Variants in VCL observed in about 807,000 individuals in gnomAD.
The protein encoded by VCL is epididymis luminal protein 114.
A neutral mutation model predicts 125.7 loss-of-function variants in VCL; 47 were observed. The ratio of observed to expected loss-of-function variants is 0.37; its 90% CI spans 0.30 to 0.48. The LOEUF (loss-of-function observed/expected upper bound fraction) is 0.48, where lower values mean the gene tolerates loss of function less well. Among genes scored for constraint, VCL ranks in the 20% least tolerant of loss-of-function variants. VCL has a pLI of 0.99. For missense variants in VCL, 1,069 were observed against 1,455.5 expected (o/e 0.73, Z 4.32); for synonymous variants, 458 against 514.6 (o/e 0.89, Z 1.49).
chr10:74,006,332 T>C (rs985878485), intron 1 of VCL, among the ~76,000 whole-genome samples: 1 of 152,220 alleles, frequency 6.6e-6, no homozygotes, highest in Non-Finnish European at 1.5e-5. Context: ...AGTGGAAAAT[T>C]GGGCTTTTCT....
chr10:74,073,048 C>G (rs574729802), intron 5 of VCL, among the ~76,000 whole-genome samples, 196 bp downstream of exon 5: 1 of 151,638 alleles, frequency 6.6e-6, no homozygotes, highest in South Asian at 2.1e-4. Flanking sequence ...TCAAGCGATT[C>G]TCCTGCCTCA....
At chr10:74,005,847 T>C (rs537806348) in intron 1 of VCL, among the ~76,000 whole-genome samples, 3 of 152,226 alleles carry the variant, frequency 2.0e-5, no homozygotes, top group East Asian at 3.9e-4. Flanking sequence ...GTTTTTTTAA[T>C]TTTTATTTTT....
At chr10:74,018,487 T>C (rs1196215980) in intron 1 of VCL, among the ~76,000 whole-genome samples, 1 of 152,054 alleles carries the variant, frequency 6.6e-6, no homozygotes, top group Non-Finnish European at 1.5e-5. Flanking sequence ...GAAGGGAAGT[T>C]CATTCCACTT....
rs114822044 is a variant in VCL at position 74,000,569 on chromosome 10, C to T, written c.168+2194C>T. Among the ~76,000 whole-genome samples the T allele has an allele frequency of 3.4e-3, 517 of 152,196 alleles. 2 individuals are homozygous for T. Among genetic ancestry groups the T allele is most frequent in the African/African-American group, 0.011 (477 of 41,522 alleles). ...AGCTGGGACTACAGGTTCGCACCAC[C>T]GTGGCCAGCTAATTTTTGTATTTTT... is the stretch of plus-strand genomic sequence containing the variant. On this transcript the variant is annotated intron_variant, in intron 1 of 21. Coordinates refer to ENST00000211998, the MANE Select transcript of VCL (RefSeq NM_014000.3).
Position 74,097,406 on chromosome 10 carries a change from G to A in VCL, c.1872+74G>A. On this transcript the variant is annotated intron_variant, in intron 13 of 21. Transcript: ENST00000211998. This position sits in a 1 kb window ranked among gnomAD's most constrained non-coding sequence, Gnocchi z 4.1. The stretch of plus-strand genomic sequence containing the variant: ...TATGTAAAGGTGAAATGTGATTACA[G>A]TGGACATCAGGATCAGTGGTTGGGA... 6.3e-7 allele frequency: 1 copy of A among 1,584,152 alleles called. No homozygotes were observed. The highest frequency in any genetic ancestry group is 8.6e-7 in the Non-Finnish European group (1 of 1,167,494).
chr10:74,114,129 C>A (rs1205465191), intron 19 of VCL, 55 bp from the exon 20 acceptor site: 18 of 1,604,020 alleles, frequency 1.1e-5, no homozygotes, highest in Admixed American at 1.7e-5. Context: ...TCCTTCCTTC[C>A]TTAACATGGC....
At chr10:74,001,853 G>A (rs902638200) in intron 1 of VCL, among the ~76,000 whole-genome samples, 2 of 152,084 alleles carry the variant, frequency 1.3e-5, no homozygotes, top group African/African-American at 2.4e-5. Flanking sequence ...ATTTCTTTCA[G>A]ATTATTTACA....
chr10:74,029,464 T>C (rs1340758147), intron 1 of VCL, among the ~76,000 whole-genome samples: 2 of 152,138 alleles, frequency 1.3e-5, no homozygotes, highest in Non-Finnish European at 2.9e-5. Flanking sequence ...ATTAGAAGCT[T>C]AGTCATGGTA....
chr10:74,088,999 G>A (rs1839833228), intron 8 of VCL, among the ~76,000 whole-genome samples, 197 bp from the exon 9 acceptor site: 1 of 152,148 alleles, frequency 6.6e-6, no homozygotes, highest in Non-Finnish European at 1.5e-5. Context: ...AAGCTAATGT[G>A]CATTTTTAAA....
chr10:74,064,408 A>G (rs1307590383), intron 2 of VCL, among the ~76,000 whole-genome samples: 1 of 150,184 alleles, frequency 6.7e-6, no homozygotes, highest in Non-Finnish European at 1.5e-5. Context: ...CATACAAAAG[A>G]CACTTTTTTT....
chr10:74,099,476 A>G (rs1454569846), intron 13 of VCL, among the ~76,000 whole-genome samples: 2 of 152,026 alleles, frequency 1.3e-5, no homozygotes, highest in Non-Finnish European at 2.9e-5. Flanking sequence ...TAGCTCTATT[A>G]TTGTACATAG....
chr10:74,038,450 T>A (rs1355380287), intron 1 of VCL, among the ~76,000 whole-genome samples: 2 of 152,200 alleles, frequency 1.3e-5, no homozygotes, highest in African/African-American at 4.8e-5. Context: ...TGGCATTCAT[T>A]CTATATAGTC....
At chr10:74,110,009 C>G (rs1840195979) in intron 18 of VCL, among the ~76,000 whole-genome samples, 1 of 152,152 alleles carries the variant, frequency 6.6e-6, no homozygotes. Flanking sequence ...CCTCAGGGAC[C>G]TCCTGCACCT....
At chr10:74,018,176 G>GGA (rs1565634756) in intron 1 of VCL, among the ~76,000 whole-genome samples, 8 of 40,074 alleles carry the variant, frequency 2.0e-4, no homozygotes, top group African/African-American at 6.3e-4. Context: ...GATATATATA[G>GGA]GATATATATA....
chr10:74,111,840 C>G, intron 18 of VCL, 69 bp from the exon 19 acceptor site: 1 of 1,587,242 alleles, frequency 6.3e-7, no homozygotes, highest in Admixed American at 1.8e-5. Flanking sequence ...AGCTGAAGCC[C>G]AGTTTCCCAA....
chr10:74,080,135 A>T (rs1383822724), intron 6 of VCL, among the ~76,000 whole-genome samples: 1 of 152,178 alleles, frequency 6.6e-6, no homozygotes, highest in East Asian at 1.9e-4. Context: ...TTGTGTTTCA[A>T]ATCATTTTTG....
Position 74,118,280 on chromosome 10 carries a change from C to T in VCL, c.*111C>T. The T allele has an allele frequency of 7.2e-7, 1 of 1,384,472 alleles. No homozygotes were observed. Among genetic ancestry groups the T allele is most frequent in the Non-Finnish European group, 1.0e-6 (1 of 994,568 alleles). 85.8% of individuals were successfully genotyped at this position (1,384,472 alleles called of 1,614,324 possible). On this transcript the variant is annotated 3_prime_UTR_variant, in exon 22 of 22. Coordinates refer to ENST00000211998, the MANE Select transcript of VCL (RefSeq NM_014000.3). ...GGGAGCTGAAAAATCACATCCTGGC[C>T]TGGCACATCAGAAAGGAATGGGGGC...
In VCL at chr10:74,108,866, G is replaced by A. The variant is rs903210748; in HGVS notation, c.2560-105G>A. The A allele has an allele frequency of 5.4e-6, 7 of 1,305,980 alleles. 1 individual carries two copies. Among genetic ancestry groups the A allele is most frequent in the Non-Finnish European group, 7.7e-6 (7 of 909,146 alleles). The allele number at this position is 1,305,980 out of a possible 1,614,324, so 80.9% of individuals were successfully genotyped here. A position where few individuals can be genotyped will look rare whatever the true frequency, so the allele number is the denominator to read the frequency against. On this transcript the variant is annotated intron_variant, in intron 17 of 21. Transcript: ENST00000211998. ...CTCAGTGTGGGTGGTCTTATGTGGA[G>A]TCAATATGGGTGGGTTTTCTAGGGA...
At chr10:74,100,643 C>T (rs756864290) in intron 13 of VCL, among the ~76,000 whole-genome samples, 7 of 152,120 alleles carry the variant, frequency 4.6e-5, no homozygotes, top group Non-Finnish European at 1.0e-4. Flanking sequence ...CAGCAAATTA[C>T]TGCAGAGTAT....
Sources: allele counts gnomAD v4.1 joint callset (sites outside exome capture counted in the v4.1 genomes callset), GRCh38; gene constraint gnomAD v4.1.1; non-coding constraint Gnocchi (gnomAD v3.1); transcripts MANE v1.5; gene names NCBI Gene and HGNC (gene_info 2026-07-23, HGNC 2026-07-21).